DPP4: variants seen among roughly 807,000 people sequenced by gnomAD.
DPP4 encodes dipeptidyl peptidase 4.
DPP4 carries 93 observed loss-of-function variants against 122.4 expected under a neutral mutation model. The observed-to-expected ratio is 0.76, with a 90% CI of 0.64 to 0.90. The LOEUF is 0.90. Among genes scored for constraint, DPP4 ranks in the 40% least tolerant of loss-of-function variants. DPP4 has a pLI of 0.00. For synonymous variants in DPP4, 321 were observed against 302.9 expected (o/e 1.06, Z -0.62); for missense variants, 914 against 907.3 (o/e 1.01, Z -0.09).
chr2:162,020,525 G>C (rs1683086551), intron 13 of DPP4, 56 bp downstream of exon 13: 4 of 1,354,466 alleles, frequency 3.0e-6, no homozygotes, highest in Non-Finnish European at 3.1e-6. Context: ...ACTTCAAGTT[G>C]GTTTCCAAAA....
At chr2:162,018,505 G>A (rs1249152927) in intron 16 of DPP4, among the ~76,000 whole-genome samples, 1 of 152,220 alleles carries the variant, frequency 6.6e-6, no homozygotes, top group African/African-American at 2.4e-5. Flanking sequence ...ACACAAGGGT[G>A]TGTGTTTGTG....
Position 162,014,443 on chromosome 2 carries a change from C to A in DPP4, c.1590G>T (p.Leu530Phe). Residue 530 changes from leucine (L) to phenylalanine (F), a missense_variant, in exon 19 of 26, where the codon TTG (leucine) becomes TTT (phenylalanine). Physicochemically the swap from Leu to Phe is conservative, Grantham distance 22. Coordinates refer to ENST00000360534, the MANE Select transcript of DPP4 (RefSeq NM_001935.4). ...TCTTGGATTTATCAAAATGAGGAGG[C>A]AAGATCATCTGATACCAAAATTCTA... The part of the protein sequence containing the change: ...NETKFWYQMI[L>F]PPHFDKSKKY... 6.2e-7 allele frequency: 1 copy of A among 1,607,870 alleles called. No individual in the cohort carries two copies.
chr2:162,044,206 A>G (rs73971540), intron 5 of DPP4, among the ~76,000 whole-genome samples: 8,866 of 152,276 alleles, frequency 0.058, 668 homozygotes, highest in African/African-American at 0.17. Context: ...ATTAATTGGC[A>G]ACAGATGTGT....
At chr2:162,001,441 A>G (rs1005770119) in intron 23 of DPP4, among the ~76,000 whole-genome samples, 1 of 152,190 alleles carries the variant, frequency 6.6e-6, no homozygotes, top group Non-Finnish European at 1.5e-5. Flanking sequence ...GAAAACCACA[A>G]GTCTTTTTCA....
intron 8 of DPP4, among the ~76,000 whole-genome samples, chr2:162,035,634 CTAAAAG>C (rs1402250204): frequency 6.6e-6 from 1 of 152,078 alleles, no homozygotes; most frequent in Non-Finnish European, 1.5e-5. Context: ...TCAAAACATA[CTAAAAG>C]TAAATTTCAC....
intron 8 of DPP4, among the ~76,000 whole-genome samples, chr2:162,035,859 T>A (rs1683751511): frequency 6.6e-6 from 1 of 152,122 alleles, no homozygotes; most frequent in African/African-American, 2.4e-5. Flanking sequence ...GGAACTCCAT[T>A]GAGACCCCTA....
chr2:162,058,763 G>A (rs1226176815), intron 2 of DPP4, among the ~76,000 whole-genome samples: 1 of 152,202 alleles, frequency 6.6e-6, no homozygotes, highest in African/African-American at 2.4e-5. Flanking sequence ...CTTGCAGGCA[G>A]CTACAGCCAA....
At chr2:162,070,989 A>G (rs1685094915) in intron 2 of DPP4, among the ~76,000 whole-genome samples, 1 of 152,148 alleles carries the variant, frequency 6.6e-6, no homozygotes. Context: ...AAGTCCAGTC[A>G]TTCACATTTC....
intron 12 of DPP4, 100 bp downstream of exon 12, chr2:162,022,655 A>G: frequency 9.1e-7 from 1 of 1,101,716 alleles, no homozygotes; most frequent in East Asian, 2.4e-5. Context: ...TAATATTGCT[A>G]TTAATAACGT....
chr2:162,000,112 G>C (rs1289348854), intron 23 of DPP4, among the ~76,000 whole-genome samples: 2 of 152,188 alleles, frequency 1.3e-5, no homozygotes, highest in East Asian at 3.9e-4. Context: ...CTTATAGAAA[G>C]AGCACACAGT....
At chr2:162,046,730 A>G (rs1212984926) in intron 4 of DPP4, 185 bp downstream of exon 4, 1 of 656,440 alleles carries the variant, frequency 1.5e-6, no homozygotes, top group Non-Finnish European at 2.8e-6. Context: ...AGGAAGAGGA[A>G]TCGTCAAAGG....
Position 162,045,552 on chromosome 2 carries a change from A to T in DPP4, c.346T>A (p.Leu116Ile). The stretch of plus-strand genomic sequence containing the variant: ...TTTACCTTCACGTAGTTGTATTCTA[A>T]GAGAATAAACTGCCCATCAGGAGAT... The part of the protein sequence containing the change: ...SISPDGQFIL[L>I]EYNYVKQWRH... Residue 116 changes from leucine (L) to isoleucine (I), a missense_variant, in exon 5 of 26, where the codon TTA (leucine) becomes ATA (isoleucine). Coordinates refer to ENST00000360534, the MANE Select transcript of DPP4 (RefSeq NM_001935.4). The T allele has an allele frequency of 6.2e-7, 1 of 1,610,394 alleles. No homozygotes were observed. The highest frequency in any genetic ancestry group is 8.5e-7 in the Non-Finnish European group (1 of 1,176,714).
At position 162,033,893 on chromosome 2, in the gene DPP4, T is replaced by TATATATACAC. The variant is rs1491588211; in HGVS notation, c.775-241_775-240insGTGTATATAT. ...ATATATATATATATATATATATATA[T>TATATATACAC]ACACACTATATAAAACTTGAAGGTC... On this transcript the variant is annotated intron_variant, in intron 9 of 25. Coordinates refer to ENST00000360534, the MANE Select transcript of DPP4 (RefSeq NM_001935.4). Among the ~76,000 whole-genome samples, 2 of 138,580 alleles carry TATATATACAC rather than the reference T, an allele frequency of 1.4e-5. 1 individual carries two copies. Among genetic ancestry groups the TATATATACAC allele is most frequent in the African/African-American group, 5.5e-5 (2 of 36,232 alleles). The allele number at this position is 138,580 out of a possible 152,430, so 90.9% of individuals were successfully genotyped here.
rs1156763843 is a variant in DPP4, at chr2:162,005,731, T to G, written c.2052+14A>C. ...AAATAGGTTATAAAATAGGTATAGG[T>G]CCTCATCTCTTACTCTGTAATGGTC... On this transcript the variant is annotated intron_variant, in intron 23 of 25. Transcript: ENST00000360534. The G allele has an allele frequency of 3.1e-6, 5 of 1,609,294 alleles. No individual in the cohort carries two copies. The Admixed American group carries it at 8.3e-5, about 27-fold the overall frequency.
At chr2:162,026,124 T>C (rs1683323622) in intron 10 of DPP4, among the ~76,000 whole-genome samples, 1 of 152,166 alleles carries the variant, frequency 6.6e-6, no homozygotes, top group Non-Finnish European at 1.5e-5. Flanking sequence ...AATTCATAGA[T>C]CAATTTCCAT....
chr2:162,038,116 C>T lies in DPP4; in HGVS notation c.613+186G>A, dbSNP rs116793874. Among the ~76,000 whole-genome samples the T allele has an allele frequency of 2.7e-3, 406 of 152,176 alleles. 5 individuals are homozygous for T. The highest frequency in any genetic ancestry group is 9.5e-3 in the African/African-American group (394 of 41,536). On this transcript the variant is annotated intron_variant, in intron 8 of 25. Coordinates refer to ENST00000360534, the MANE Select transcript of DPP4 (RefSeq NM_001935.4). ...GTCAGGCAATGAGGACAGAGGAGTG[C>T]TAGGAATAGTTAAATTCTTGGTCAA...
At chr2:161,995,483 A>C in intron 23 of DPP4, 111 bp from the exon 24 acceptor site, 1 of 878,560 alleles carries the variant, frequency 1.1e-6, no homozygotes, top group Non-Finnish European at 1.8e-6. Context: ...CTTTGATACA[A>C]AATATAGCAA....
intron 2 of DPP4, among the ~76,000 whole-genome samples, chr2:162,055,620 C>T (rs140281851): frequency 7.3e-5 from 11 of 150,856 alleles, no homozygotes; most frequent in African/African-American, 2.4e-4. Flanking sequence ...TGCAGTGAGC[C>T]GAGACTGTGC....
chr2:162,005,791 C>T lies in DPP4; in HGVS notation c.2006G>A (p.Arg669His), dbSNP rs775315797. Residue 669 changes from arginine to histidine, a missense_variant, in exon 23 of 26, where the codon CGT becomes CAT. Transcript: ENST00000360534. ...WEYYDSVYTE[R>H]YMGLPTPEDN... ...TTCTGGAGTTGGGAGACCCATGTAACGTTCTGTGTACACTGAGTCTGTGAA... is the reference window on the plus strand; with the variant it reads ...TTCTGGAGTTGGGAGACCCATGTAATGTTCTGTGTACACTGAGTCTGTGAA... The T allele has an allele frequency of 6.2e-6, 10 of 1,612,696 alleles. No homozygotes were observed. The highest frequency in any genetic ancestry group is 3.3e-5 in the South Asian group (3 of 90,984).
Sources: allele counts gnomAD v4.1 joint callset (sites outside exome capture counted in the v4.1 genomes callset), GRCh38; gene constraint gnomAD v4.1.1; transcripts MANE v1.5; gene names NCBI Gene and HGNC (gene_info 2026-07-23, HGNC 2026-07-21).